Variants in ZFHX3 observed in about 807,000 individuals in gnomAD.
ZFHX3 encodes the protein zinc finger homeobox protein 3.
A neutral mutation model predicts 279.1 loss-of-function variants in ZFHX3; 42 were observed. The observed-to-expected ratio is 0.15, with a 90% CI of 0.12 to 0.19. ZFHX3 has a LOEUF of 0.19. Among genes scored for constraint, ZFHX3 ranks in the 10% least tolerant of loss-of-function variants. The pLI is 1.00. For missense variants in ZFHX3, 4,981 were observed against 4,754.0 expected, an observed-to-expected ratio of 1.05 and a Z score of -1.40; for synonymous variants, 2,293 against 1,957.8, an observed-to-expected ratio of 1.17 and a Z score of -4.52.
At chr16:73,319,556 G>T (rs1427084231) in intron 3 of ZFHX3, among the ~76,000 whole-genome samples, 1 of 152,038 alleles carries the variant, frequency 6.6e-6, no homozygotes, top group Non-Finnish European at 1.5e-5. Flanking sequence ...AAGAAACTCA[G>T]GGGCGGGGGG....
chr16:72,920,919 A>G (rs564069631), intron 3 of ZFHX3, among the ~76,000 whole-genome samples: 2 of 152,026 alleles, frequency 1.3e-5, no homozygotes, highest in East Asian at 3.9e-4. Flanking sequence ...AAAAAATAAA[A>G]TAATTAGCCA....
chr16:73,642,411 A>T (rs1051604580), intron 2 of ZFHX3, among the ~76,000 whole-genome samples: 15 of 152,168 alleles, frequency 9.9e-5, no homozygotes, highest in African/African-American at 3.6e-4. Flanking sequence ...TCATATTGAC[A>T]TGCTCAGTGA....
chr16:73,765,109 T>C (rs531912412), intron 1 of ZFHX3, among the ~76,000 whole-genome samples: 3 of 152,310 alleles, frequency 2.0e-5, no homozygotes, highest in East Asian at 1.9e-4. Context: ...AAGGCCACCT[T>C]CATTTCCCTT....
At chr16:73,392,820 G>C (rs533177812) in intron 3 of ZFHX3, among the ~76,000 whole-genome samples, 4 of 133,112 alleles carry the variant, frequency 3.0e-5, no homozygotes, top group African/African-American at 1.2e-4. Flanking sequence ...AGCATTTCCA[G>C]AAGTGTATCT....
At chr16:72,835,812 C>A (rs1253423620) in intron 4 of ZFHX3, among the ~76,000 whole-genome samples, 3 of 152,122 alleles carry the variant, frequency 2.0e-5, no homozygotes, top group African/African-American at 7.2e-5. Flanking sequence ...CTTCTTTAAG[C>A]CTTGGCTGGC....
At chr16:73,466,254 G>A (rs1397105847) in intron 2 of ZFHX3, among the ~76,000 whole-genome samples, 1 of 152,170 alleles carries the variant, frequency 6.6e-6, no homozygotes, top group Non-Finnish European at 1.5e-5. Flanking sequence ...GGCCAAGGCA[G>A]TTGGATCCAT....
At chr16:73,414,110 C>T (rs751977834) in intron 3 of ZFHX3, among the ~76,000 whole-genome samples, 10 of 152,332 alleles carry the variant, frequency 6.6e-5, no homozygotes, top group South Asian at 6.2e-4. Flanking sequence ...ATCTACTAAC[C>T]TTCCAAGAAA....
chr16:73,775,667 G>A (rs1334686390), intron 1 of ZFHX3, among the ~76,000 whole-genome samples: 3 of 152,210 alleles, frequency 2.0e-5, no homozygotes, highest in Non-Finnish European at 4.4e-5. Flanking sequence ...CGCAGGGGTA[G>A]TAATTATTCG....
chr16:73,544,331 G>A (rs983853139), intron 2 of ZFHX3, among the ~76,000 whole-genome samples: 2 of 152,206 alleles, frequency 1.3e-5, no homozygotes, highest in Non-Finnish European at 2.9e-5. Context: ...CTCTTTGGAT[G>A]TAAGGAGGGG....
chr16:72,783,053 G>A lies in ZFHX3; in HGVS notation c.*4111C>T, dbSNP rs2035191284. 1 of 152,132 alleles carries A rather than the reference G, an allele frequency of 6.6e-6. No homozygotes were observed. Among genetic ancestry groups the A allele is most frequent in the South Asian group, 2.1e-4 (1 of 4,802 alleles). The allele number at this position is 152,132 out of a possible 1,614,324, so 9.4% of individuals were successfully genotyped here. A position where few individuals can be genotyped will look rare whatever the true frequency, so the allele number is the denominator to read the frequency against. ...TTGAAAGTTCCATGTGGTTCTGTTT[G>A]TTAGTCTCCATGTATTTTGGTACAG... On this transcript the variant is annotated 3_prime_UTR_variant, in exon 10 of 10. Transcript: ENST00000268489.
At position 72,797,212 on chromosome 16, in the gene ZFHX3, G is replaced by C. The variant is rs79037957; in HGVS notation, c.5470C>G (p.Leu1824Val). The C allele has an allele frequency of 0.012, 20,047 of 1,614,010 alleles. 163 individuals are homozygous for C. Among genetic ancestry groups the C allele is most frequent in the Non-Finnish European group, 0.014 (16,708 of 1,179,990 alleles). ...AGCAGGCCTGGGCCTGTCCCAGTCA[G>C]TGTCAGTGCCCCACTGGTCACTGGC... ...SLPVTSGALT[L>V]TGTGPGLLED... The change falls in exon 9 of 10, where the codon CTG (leucine) becomes GTG (valine). Residue 1824 changes from leucine (L) to valine (V), a missense_variant. By Grantham distance (32) the Leu-to-Val change is conservative (BLOSUM62 1). Transcript: ENST00000268489.
intron 5 of ZFHX3, among the ~76,000 whole-genome samples, chr16:73,238,857 G>A (rs997835702): frequency 6.6e-6 from 1 of 152,020 alleles, no homozygotes. Context: ...CGTTCACCTC[G>A]GCTTCCTTCA....
intron 4 of ZFHX3, among the ~76,000 whole-genome samples, chr16:73,308,086 G>C (rs1365449747): frequency 6.6e-6 from 1 of 151,724 alleles, no homozygotes; most frequent in South Asian, 2.1e-4. Context: ...ACTAGAGAGA[G>C]TTACCGATCA....
At chr16:73,259,984 A>T (rs897229476) in intron 4 of ZFHX3, among the ~76,000 whole-genome samples, 36 of 150,876 alleles carry the variant, frequency 2.4e-4, no homozygotes, top group African/African-American at 5.8e-4. Flanking sequence ...CGTAAAATAA[A>T]TTTTTTTTTT....
chr16:73,420,465 G>A (rs992019145), intron 3 of ZFHX3, among the ~76,000 whole-genome samples: 2 of 152,160 alleles, frequency 1.3e-5, no homozygotes, highest in African/African-American at 4.8e-5. Context: ...GGCGTCGCTG[G>A]CATTATCGGG....
In ZFHX3 at chr16:72,972,519, GT is replaced by G. The variant is rs200241829; in HGVS notation, c.-49-12326del. On this transcript the variant is annotated intron_variant, in intron 1 of 9. Coordinates refer to ENST00000268489, the MANE Select transcript of ZFHX3 (RefSeq NM_006885.4). ...GCATCAATCATTTTCAAGCTTTCTT[GT>G]GCAGTGGAACCAACTATGCGGCACA... is the stretch of plus-strand genomic sequence containing the variant. Among the ~76,000 whole-genome samples, 1,209 of 152,204 alleles carry G rather than the reference GT, an allele frequency of 7.9e-3. 14 individuals are homozygous for G. Among genetic ancestry groups the G allele is most frequent in the African/African-American group, 0.028 (1,151 of 41,502 alleles).
chr16:73,220,205 G>C (rs2012364230), intron 5 of ZFHX3, among the ~76,000 whole-genome samples: 1 of 152,240 alleles, frequency 6.6e-6, no homozygotes, highest in East Asian at 1.9e-4. Flanking sequence ...GGACAGGAAG[G>C]GAGTAGGGGG....
At chr16:73,361,140 T>C (rs1453492428) in intron 3 of ZFHX3, among the ~76,000 whole-genome samples, 1 of 152,226 alleles carries the variant, frequency 6.6e-6, no homozygotes, top group Non-Finnish European at 1.5e-5. Flanking sequence ...TCAAGTGGTC[T>C]GGAATAACTA....
chr16:73,709,259 G>T (rs551787271), intron 1 of ZFHX3, among the ~76,000 whole-genome samples: 97 of 152,120 alleles, frequency 6.4e-4, no homozygotes, highest in African/African-American at 2.3e-3. Context: ...CAGCTACTTT[G>T]GAGGCTGAGG....
Sources: allele counts gnomAD v4.1 joint callset (sites outside exome capture counted in the v4.1 genomes callset), GRCh38; gene constraint gnomAD v4.1.1; transcripts MANE v1.5; gene names NCBI Gene and HGNC (gene_info 2026-07-23, HGNC 2026-07-21).